The following SULT1B1 variants were observed in gnomAD, a reference collection of about 807,000 sequenced individuals.
SULT1B1 encodes sulfotransferase family 1B member 1.
Under a neutral mutation model 34.6 loss-of-function variants are expected in SULT1B1, and 28 were observed. That is an observed-to-expected ratio of 0.81 (90% CI 0.60 to 1.11). The LOEUF is 1.11. Ranked by LOEUF, SULT1B1 falls within the 50% of genes least tolerant of loss-of-function variation. The probability of loss-of-function intolerance (pLI) is 0.00; values close to 1 mark genes in which losing one functional copy is unlikely to be tolerated. For missense variants in SULT1B1, 374 were observed against 352.2 expected (o/e 1.06, Z -0.50); for synonymous variants, 147 against 110.2 (o/e 1.33, Z -2.09).
chr4:69,726,065 T>C lies in SULT1B1; in HGVS notation c.*1023A>G, dbSNP rs1176686921. ...ATATATATATATATATATATATATA[T>C]ATATATATATATATATAAATGTTCC... On this transcript the variant is annotated 3_prime_UTR_variant, in exon 8 of 8. Transcript: ENST00000310613. 9.9e-6 allele frequency: 1 copy of C among 100,722 alleles called. No individual in the cohort carries two copies. Among genetic ancestry groups the C allele is most frequent in the Non-Finnish European group, 2.0e-5 (1 of 49,682 alleles). The allele number at this position is 100,722 out of a possible 1,614,324, so 6.2% of individuals were successfully genotyped here. A position where few individuals can be genotyped will look rare whatever the true frequency, so the allele number is the denominator to read the frequency against.
rs138525461 is a variant in SULT1B1, at chr4:69,730,791, A to G, written c.598-110T>C. 7.9e-5 allele frequency: 74 copies of G among 932,308 alleles called. No individual in the cohort carries two copies. The African/African-American group carries it at 1.0e-3, about 13-fold the overall frequency. 57.8% of individuals were successfully genotyped at this position (932,308 alleles called of 1,614,324 possible). A position where few individuals can be genotyped will look rare whatever the true frequency, so the allele number is the denominator to read the frequency against. On this transcript the variant is annotated intron_variant, in intron 6 of 7. Coordinates refer to ENST00000310613, the MANE Select transcript of SULT1B1 (RefSeq NM_014465.4). ...AATGTTGACTCTGAATAGTATAGGAAATCCATATTTGTTTGGGTTTTTCTC... is the reference window on the plus strand; with the variant it reads ...AATGTTGACTCTGAATAGTATAGGAGATCCATATTTGTTTGGGTTTTTCTC...
intron 5 of SULT1B1, among the ~76,000 whole-genome samples, 192 bp downstream of exon 5, chr4:69,733,946 A>T (rs1718189480): frequency 6.6e-6 from 1 of 152,176 alleles, no homozygotes; most frequent in Admixed American, 6.5e-5. Context: ...TATGCCAATG[A>T]TTAATACTAG....
chr4:69,725,555 T>G lies in SULT1B1; in HGVS notation c.*1533A>C, dbSNP rs1471272717. 2.0e-5 allele frequency: 3 copies of G among 152,286 alleles called. No homozygotes were observed. The highest frequency in any genetic ancestry group is 3.4e-3 in the Middle Eastern group (1 of 294). The allele number at this position is 152,286 out of a possible 1,614,324, so 9.4% of individuals were successfully genotyped here. A position where few individuals can be genotyped will look rare whatever the true frequency, so the allele number is the denominator to read the frequency against. On this transcript the variant is annotated 3_prime_UTR_variant, in exon 8 of 8. Coordinates refer to ENST00000310613, the MANE Select transcript of SULT1B1 (RefSeq NM_014465.4). ...CAAAGGATTATAAATCATGCTGCTA[T>G]AAAGACACATGCACACGTATATTTA...
chr4:69,744,010 C>T (rs1295646564), intron 4 of SULT1B1, among the ~76,000 whole-genome samples: 1 of 152,128 alleles, frequency 6.6e-6, no homozygotes, highest in African/African-American at 2.4e-5. Context: ...GGTCCATAGC[C>T]ATTACTTGCG....
intron 4 of SULT1B1, among the ~76,000 whole-genome samples, chr4:69,742,827 G>A (rs980313259): frequency 2.4e-4 from 36 of 152,212 alleles, no homozygotes; most frequent in East Asian, 7.7e-4. Flanking sequence ...CGCAGAGCCC[G>A]GCCTGCCAGC....
rs1165357633 is a variant in SULT1B1 at position 69,722,462 on chromosome 4, G to A, written c.*4626C>T. On this transcript the variant is annotated 3_prime_UTR_variant, in exon 8 of 8. Coordinates refer to ENST00000310613, the MANE Select transcript of SULT1B1 (RefSeq NM_014465.4). Reference sequence around the variant, plus strand: ...ATAGAGGAAATAGATACATGATTTAGTTTACTTCTCGTGGACAAGGGTATT... The same window carrying A: ...ATAGAGGAAATAGATACATGATTTAATTTACTTCTCGTGGACAAGGGTATT... 2 of 152,058 alleles carry A rather than the reference G, an allele frequency of 1.3e-5. No homozygotes were observed. The highest frequency in any genetic ancestry group is 4.8e-5 in the African/African-American group (2 of 41,414). 9.4% of individuals were successfully genotyped at this position (152,058 alleles called of 1,614,324 possible).
intron 4 of SULT1B1, 126 bp from the exon 5 acceptor site, chr4:69,734,390 G>C (rs1449549818): frequency 3.0e-6 from 3 of 1,002,764 alleles, no homozygotes; most frequent in African/African-American, 1.7e-5. Flanking sequence ...GGCCAGGGAG[G>C]CCCTTCTATT....
chr4:69,733,548 A>T (rs1718173201), intron 5 of SULT1B1, 41 bp from the exon 6 acceptor site: 1 of 1,408,690 alleles, frequency 7.1e-7, no homozygotes, highest in Non-Finnish European at 9.7e-7. Flanking sequence ...ACATTCATCA[A>T]ATTAAATATT....
chr4:69,748,511 A>G (rs1718841918), intron 4 of SULT1B1, among the ~76,000 whole-genome samples: 1 of 152,232 alleles, frequency 6.6e-6, no homozygotes, highest in Non-Finnish European at 1.5e-5. Context: ...GAACAACATT[A>G]TTGGTCAAGA....
chr4:69,752,171 A>C (rs1405065361), intron 3 of SULT1B1, among the ~76,000 whole-genome samples: 1 of 152,236 alleles, frequency 6.6e-6, no homozygotes, highest in Admixed American at 6.5e-5. Flanking sequence ...TTGTAATGCT[A>C]AGTAAAAAAT....
chr4:69,750,167 G>A (rs561836878), intron 3 of SULT1B1, among the ~76,000 whole-genome samples: 1 of 152,162 alleles, frequency 6.6e-6, no homozygotes, highest in African/African-American at 2.4e-5. Context: ...CCTGTGCATT[G>A]CTATAAATGA....
intron 3 of SULT1B1, among the ~76,000 whole-genome samples, chr4:69,752,435 T>A (rs1719016638): frequency 6.6e-6 from 1 of 152,172 alleles, no homozygotes; most frequent in Admixed American, 6.5e-5. Flanking sequence ...CTCAAGGAAA[T>A]GAAATATATT....
chr4:69,726,073 T>TAG lies in SULT1B1; in HGVS notation c.*1014_*1015insCT, dbSNP rs1310032278. The stretch of plus-strand genomic sequence containing the variant: ...ATATATATATATATATATATATATA[T>TAG]ATATATATAAATGTTCCAAGAAAAC... On this transcript the variant is annotated 3_prime_UTR_variant, in exon 8 of 8. Coordinates refer to ENST00000310613, the MANE Select transcript of SULT1B1 (RefSeq NM_014465.4). 3 of 108,622 alleles carry TAG rather than the reference T, an allele frequency of 2.8e-5. No individual in the cohort carries two copies. Among genetic ancestry groups the TAG allele is most frequent in the African/African-American group, 1.2e-4 (3 of 26,010 alleles). The allele number at this position is 108,622 out of a possible 1,614,324, so 6.7% of individuals were successfully genotyped here.
rs377108891 is a variant in SULT1B1 at position 69,735,535 on chromosome 4, G to T, written c.376-1271C>A. On this transcript the variant is annotated intron_variant, in intron 4 of 7. Transcript: ENST00000310613. ...AGCAGTCCCACCCATTCACAGTGAT[G>T]ACATCAGAGAAGCCCTGTTTCTCCC... Among the ~76,000 whole-genome samples the T allele has an allele frequency of 2.0e-5, 3 of 152,258 alleles. No homozygotes were observed. The East Asian group carries it at 5.8e-4, about 29-fold the overall frequency.
In SULT1B1 at chr4:69,721,577, C is replaced by T. The variant is rs758778129; in HGVS notation, c.*5511G>A. The T allele has an allele frequency of 6.6e-5, 10 of 152,020 alleles. No individual in the cohort carries two copies. The highest frequency in any genetic ancestry group is 2.1e-4 in the South Asian group (1 of 4,822). 9.4% of individuals were successfully genotyped at this position (152,020 alleles called of 1,614,324 possible). ...CTTAACCTTCAAAAGCCTCCAATGA[C>T]GCAATTTTTATCACACAGAACATAG... On this transcript the variant is annotated 3_prime_UTR_variant, in exon 8 of 8. Transcript: ENST00000310613.
rs1717844074 is a variant in SULT1B1 at position 69,726,633 on chromosome 4, C to G, written c.*455G>C. On this transcript the variant is annotated 3_prime_UTR_variant, in exon 8 of 8. Transcript: ENST00000310613. ...AGAGAACAACTTGAAACTCGGTAGA[C>G]AGCAGTGGAACACAGTGTCCTGGGT... 6.6e-6 allele frequency: 1 copy of G among 152,218 alleles called. No homozygotes were observed. The highest frequency in any genetic ancestry group is 1.5e-5 in the Non-Finnish European group (1 of 68,160). 9.4% of individuals were successfully genotyped at this position (152,218 alleles called of 1,614,324 possible).
At chr4:69,728,922 T>TA (rs946028954) in intron 7 of SULT1B1, among the ~76,000 whole-genome samples, 7 of 151,950 alleles carry the variant, frequency 4.6e-5, no homozygotes, top group African/African-American at 1.7e-4. Context: ...AGTATGTTCT[T>TA]AACCCCCTAG....
rs1010186704 is a variant in SULT1B1 at position 69,723,099 on chromosome 4, G to C, written c.*3989C>G. ...AATTCAGGAGCTGGTTTTTCGAAAA[G>C]ATCAACAAAATTGATAGACCACCAG... On this transcript the variant is annotated 3_prime_UTR_variant, in exon 8 of 8. Transcript: ENST00000310613. 3 of 151,888 alleles carry C rather than the reference G, an allele frequency of 2.0e-5. No individual in the cohort carries two copies. The highest frequency in any genetic ancestry group is 7.3e-5 in the African/African-American group (3 of 41,364). The allele number at this position is 151,888 out of a possible 1,614,324, so 9.4% of individuals were successfully genotyped here.
chr4:69,755,340 A>G, intron 1 of SULT1B1, 79 bp from the exon 2 acceptor site: 2 of 1,147,020 alleles, frequency 1.7e-6, no homozygotes, highest in Non-Finnish European at 1.2e-6. Flanking sequence ...GTCACAAAGT[A>G]AAATTGGCCT....
Sources: allele counts gnomAD v4.1 joint callset (sites outside exome capture counted in the v4.1 genomes callset), GRCh38; gene constraint gnomAD v4.1.1; transcripts MANE v1.5; gene names NCBI Gene and HGNC (gene_info 2026-07-23, HGNC 2026-07-21).